GRM1: variants seen among roughly 807,000 people sequenced by gnomAD.
GRM1 encodes the protein metabotropic glutamate receptor 1.
A neutral mutation model predicts 90.9 loss-of-function variants in GRM1; 33 were observed. That is an observed-to-expected ratio of 0.36 (90% CI 0.28 to 0.49). The LOEUF is 0.49. Ranked by LOEUF, GRM1 falls within the 20% of genes least tolerant of loss-of-function variation. The pLI is 0.99. For synonymous variants in GRM1, 700 were observed against 613.2 expected, an observed-to-expected ratio of 1.14 and a Z score of -2.09; for missense variants, 1,190 against 1,534.3, an observed-to-expected ratio of 0.78 and a Z score of 3.75.
At chr6:146,153,163 G>A (rs758610532) in intron 1 of GRM1, among the ~76,000 whole-genome samples, 1 of 152,140 alleles carries the variant, frequency 6.6e-6, no homozygotes, top group South Asian at 2.1e-4. Flanking sequence ...CAGAACAAGC[G>A]ACACTTTCTT....
At chr6:146,414,737 ATTCT>A (rs1308921177) in intron 7 of GRM1, among the ~76,000 whole-genome samples, 11 of 152,150 alleles carry the variant, frequency 7.2e-5, no homozygotes, top group African/African-American at 2.4e-4. Context: ...CTGGATTTGA[ATTCT>A]TTGTCAGATT....
chr6:146,261,903 A>T (rs1781707472), intron 2 of GRM1, among the ~76,000 whole-genome samples: 1 of 152,142 alleles, frequency 6.6e-6, no homozygotes, highest in Admixed American at 6.5e-5. Flanking sequence ...TTCTCAAGAG[A>T]GGACAGGGCA....
intron 2 of GRM1, among the ~76,000 whole-genome samples, chr6:146,233,557 CA>C (rs1780519177): frequency 6.6e-6 from 1 of 152,054 alleles, no homozygotes; most frequent in African/African-American, 2.4e-5. Context: ...CTCTTTGGCT[CA>C]TGAGTTATTT....
At chr6:146,247,210 T>C (rs1251261046) in intron 2 of GRM1, among the ~76,000 whole-genome samples, 1 of 152,156 alleles carries the variant, frequency 6.6e-6, no homozygotes. Context: ...GATTACTTTC[T>C]CAGTCCTCAT....
At chr6:146,084,700 G>T (rs1275156408) in intron 1 of GRM1, among the ~76,000 whole-genome samples, 5 of 152,180 alleles carry the variant, frequency 3.3e-5, no homozygotes, top group Admixed American at 3.3e-4. Flanking sequence ...GCACTGGGAA[G>T]AATGCATATT....
intron 1 of GRM1, among the ~76,000 whole-genome samples, chr6:146,120,190 T>A (rs1344644306): frequency 6.6e-6 from 1 of 152,188 alleles, no homozygotes; most frequent in Non-Finnish European, 1.5e-5. Context: ...GGTATTTTAT[T>A]CTCTTTGAAG....
intron 1 of GRM1, among the ~76,000 whole-genome samples, chr6:146,122,310 T>C (rs1230744551): frequency 2.0e-5 from 3 of 152,178 alleles, no homozygotes; most frequent in Admixed American, 6.5e-5. Flanking sequence ...CTTGGCAAGA[T>C]AATGTTTGTT....
At position 146,436,178 on chromosome 6, in the gene GRM1, C is replaced by T. The variant is rs992569842; in HGVS notation, c.*1382C>T. 6.6e-6 allele frequency: 1 copy of T among 152,536 alleles called. No individual in the cohort carries two copies. The highest frequency in any genetic ancestry group is 2.4e-5 in the African/African-American group (1 of 41,440). 9.4% of individuals were successfully genotyped at this position (152,536 alleles called of 1,614,324 possible). On this transcript the variant is annotated 3_prime_UTR_variant, in exon 8 of 8. Coordinates refer to ENST00000282753, the MANE Select transcript of GRM1 (RefSeq NM_001278064.2). Reference sequence around the variant, plus strand: ...CCAATAATGTTTTGTACATCATTGTCATCAATATCTACAGAAGCTCTTTGA... The same window carrying T: ...CCAATAATGTTTTGTACATCATTGTTATCAATATCTACAGAAGCTCTTTGA...
At chr6:146,390,544 G>A (rs1445335981) in intron 6 of GRM1, among the ~76,000 whole-genome samples, 1 of 150,334 alleles carries the variant, frequency 6.7e-6, no homozygotes, top group African/African-American at 2.4e-5. Flanking sequence ...AGTAAAATAA[G>A]AATATTCCTC....
intron 1 of GRM1, among the ~76,000 whole-genome samples, chr6:146,088,822 C>A (rs542193373): frequency 6.6e-6 from 1 of 152,224 alleles, no homozygotes; most frequent in East Asian, 1.9e-4. Context: ...GGGCAGTTTT[C>A]CCTTGTCCCC....
chr6:146,270,889 C>A (rs1782112538), intron 2 of GRM1, among the ~76,000 whole-genome samples: 2 of 107,396 alleles, frequency 1.9e-5, no homozygotes, highest in South Asian at 3.3e-4. Flanking sequence ...TTCTTTCTTT[C>A]TTTCTTTCTT....
At chr6:146,191,582 G>A in intron 2 of GRM1, among the ~76,000 whole-genome samples, 1 of 152,076 alleles carries the variant, frequency 6.6e-6, no homozygotes, top group Non-Finnish European at 1.5e-5. Flanking sequence ...CATCTACAAG[G>A]GGTCACACTT....
chr6:146,120,608 T>C (rs1340534548), intron 1 of GRM1, among the ~76,000 whole-genome samples: 1 of 152,206 alleles, frequency 6.6e-6, no homozygotes, highest in Non-Finnish European at 1.5e-5. Context: ...TTGAGATACG[T>C]CCCATCAATA....
At chr6:146,236,664 G>A (rs558913309) in intron 2 of GRM1, among the ~76,000 whole-genome samples, 1 of 152,030 alleles carries the variant, frequency 6.6e-6, no homozygotes, top group African/African-American at 2.4e-5. Context: ...TGTTGTTGTT[G>A]TTGTTCCCTT....
At chr6:146,315,440 A>C (rs572591115) in intron 3 of GRM1, among the ~76,000 whole-genome samples, 2 of 152,244 alleles carry the variant, frequency 1.3e-5, no homozygotes, top group African/African-American at 4.8e-5. Context: ...TAGAGATGTA[A>C]ATAGATCTGG....
At chr6:146,384,932 A>G (rs539282634) in intron 5 of GRM1, among the ~76,000 whole-genome samples, 3 of 152,204 alleles carry the variant, frequency 2.0e-5, no homozygotes, top group Admixed American at 2.0e-4. Flanking sequence ...ACATAGCAAT[A>G]GGAAACAGGC....
chr6:146,328,385 A>C (rs931019676), intron 3 of GRM1, among the ~76,000 whole-genome samples: 2 of 152,152 alleles, frequency 1.3e-5, no homozygotes, highest in African/African-American at 4.8e-5. Context: ...TCTGTACCCT[A>C]GGATTAGTAG....
chr6:146,287,089 C>G (rs1209523170), intron 2 of GRM1, among the ~76,000 whole-genome samples: 2 of 152,082 alleles, frequency 1.3e-5, no homozygotes, highest in African/African-American at 4.8e-5. Context: ...CAGATTATTG[C>G]TCGAATAATC....
chr6:146,153,850 G>A (rs1356197072), intron 1 of GRM1, among the ~76,000 whole-genome samples: 1 of 152,136 alleles, frequency 6.6e-6, no homozygotes, highest in African/African-American at 2.4e-5. Flanking sequence ...AAGAAATTGG[G>A]ACAAACATTT....
Sources: allele counts gnomAD v4.1 joint callset (sites outside exome capture counted in the v4.1 genomes callset), GRCh38; gene constraint gnomAD v4.1.1; transcripts MANE v1.5; gene names NCBI Gene and HGNC (gene_info 2026-07-23, HGNC 2026-07-21).